EPHA5: variants seen among roughly 807,000 people sequenced by gnomAD.
EPHA5 encodes the protein EPH receptor A5, also known as ephrin type-A receptor 5.
EPHA5 carries 60 observed loss-of-function variants against 105.0 expected under a neutral mutation model. The ratio of observed to expected loss-of-function variants is 0.57; its 90% CI spans 0.46 to 0.71. The LOEUF is 0.71. Ranked by LOEUF, EPHA5 falls within the 30% of genes least tolerant of loss-of-function variation. EPHA5 has a pLI of 0.00. For synonymous variants in EPHA5, 513 were observed against 449.1 expected, an observed-to-expected ratio of 1.14 and a Z score of -1.80; for missense variants, 1,218 against 1,274.7, an observed-to-expected ratio of 0.96 and a Z score of 0.68.
At chr4:65,332,542 C>T (rs1173844400) in intron 15 of EPHA5, among the ~76,000 whole-genome samples, 1 of 139,644 alleles carries the variant, frequency 7.2e-6, no homozygotes, top group African/African-American at 2.7e-5. Flanking sequence ...AACTATGGGC[C>T]GTGGCTGATA....
intron 8 of EPHA5, among the ~76,000 whole-genome samples, chr4:65,394,613 C>A (rs1721035187): frequency 6.6e-6 from 1 of 152,042 alleles, no homozygotes; most frequent in African/African-American, 2.4e-5. Flanking sequence ...AAGAAAGAAG[C>A]TATAAGGTTC....
intron 3 of EPHA5, among the ~76,000 whole-genome samples, chr4:65,537,854 A>G (rs1736436682): frequency 6.6e-6 from 1 of 151,746 alleles, no homozygotes; most frequent in Non-Finnish European, 1.5e-5. Flanking sequence ...ATACAATAAT[A>G]CACATTTAGA....
chr4:65,351,621 T>C, intron 12 of EPHA5, 23 bp from the exon 13 acceptor site: 1 of 1,608,398 alleles, frequency 6.2e-7, no homozygotes, highest in Non-Finnish European at 8.5e-7. Flanking sequence ...TGTAGAAATA[T>C]TAGTCTAGCA....
At chr4:65,490,183 G>T (rs77288231) in intron 5 of EPHA5, among the ~76,000 whole-genome samples, 194 bp downstream of exon 5, 23,967 of 152,154 alleles carry the variant, frequency 0.16, 2,067 homozygotes, top group Middle Eastern at 0.26. Context: ...TCCTGTAAAT[G>T]GGATTGCTAA....
intron 1 of EPHA5, among the ~76,000 whole-genome samples, chr4:65,668,922 C>G (rs1223258611): frequency 6.6e-6 from 1 of 152,072 alleles, no homozygotes; most frequent in South Asian, 2.1e-4. Flanking sequence ...TGAACTCCCC[C>G]AAGAAGAAGG....
intron 3 of EPHA5, among the ~76,000 whole-genome samples, chr4:65,598,854 CAAAATTTAAG>C (rs1743431503): frequency 6.6e-6 from 1 of 151,882 alleles, no homozygotes; most frequent in Non-Finnish European, 1.5e-5. Flanking sequence ...GGGGAGAAAG[CAAAATTTAAG>C]ATGAGACATG....
At chr4:65,420,316 G>A in intron 6 of EPHA5, 125 bp downstream of exon 6, 2 of 941,092 alleles carry the variant, frequency 2.1e-6, no homozygotes, top group Non-Finnish European at 1.6e-6. Flanking sequence ...AATTATGACT[G>A]CAGAATCAAT....
chr4:65,484,196 C>T (rs553501758), intron 5 of EPHA5, among the ~76,000 whole-genome samples: 18 of 152,086 alleles, frequency 1.2e-4, no homozygotes, highest in South Asian at 8.3e-4. Flanking sequence ...AAGTATTTGC[C>T]GCTTTTTGGC....
chr4:65,345,731 T>C (rs932324356), intron 14 of EPHA5, among the ~76,000 whole-genome samples: 7 of 152,220 alleles, frequency 4.6e-5, no homozygotes, highest in African/African-American at 1.7e-4. Flanking sequence ...GGCATCAATA[T>C]CCTCACATTA....
intron 2 of EPHA5, among the ~76,000 whole-genome samples, chr4:65,636,853 T>G (rs751325343): frequency 2.6e-5 from 4 of 152,060 alleles, no homozygotes; most frequent in Non-Finnish European, 4.4e-5. Context: ...TCCCTTAAGT[T>G]CTAGGATGTG....
intron 1 of EPHA5, among the ~76,000 whole-genome samples, chr4:65,650,701 GCT>G (rs1297576581): frequency 6.6e-6 from 1 of 151,990 alleles, no homozygotes; most frequent in Non-Finnish European, 1.5e-5. Context: ...TAAATCACCT[GCT>G]CTGTTTCATT....
intron 5 of EPHA5, among the ~76,000 whole-genome samples, chr4:65,489,116 C>G (rs896351436): frequency 3.9e-5 from 6 of 151,956 alleles, no homozygotes; most frequent in African/African-American, 1.5e-4. Context: ...CCAGGATGGT[C>G]TCGATCTCCT....
At chr4:65,346,015 G>C (rs1362335200) in intron 14 of EPHA5, among the ~76,000 whole-genome samples, 1 of 151,414 alleles carries the variant, frequency 6.6e-6, no homozygotes, top group African/African-American at 2.4e-5. Flanking sequence ...CACCCGTCTC[G>C]GCCTCCCAAA....
chr4:65,437,876 T>A (rs766576304), intron 5 of EPHA5, among the ~76,000 whole-genome samples: 7 of 151,966 alleles, frequency 4.6e-5, no homozygotes, highest in African/African-American at 9.7e-5. Flanking sequence ...GTTAAAAATT[T>A]AAAAAATCAT....
chr4:65,563,456 A>T (rs1475428799), intron 3 of EPHA5, among the ~76,000 whole-genome samples: 1 of 152,114 alleles, frequency 6.6e-6, no homozygotes, highest in East Asian at 1.9e-4. Context: ...ATGGAGTAGT[A>T]TAATTATTTG....
intron 3 of EPHA5, among the ~76,000 whole-genome samples, chr4:65,512,196 G>A (rs1268114728): frequency 6.6e-6 from 1 of 152,096 alleles, no homozygotes; most frequent in African/African-American, 2.4e-5. Flanking sequence ...GTGAAGTGTG[G>A]ACAGGTTGGG....
chr4:65,658,544 T>G (rs1364672477), intron 1 of EPHA5, among the ~76,000 whole-genome samples: 4 of 152,218 alleles, frequency 2.6e-5, no homozygotes, highest in African/African-American at 7.2e-5. Flanking sequence ...CAACCCACAC[T>G]GTTTTAATAC....
rs1560782502 is a variant in EPHA5 at position 65,620,130 on chromosome 4, T to TA, written c.247-17827dup. 7.3e-4 allele frequency among the ~76,000 whole-genome samples: 76 copies of TA among 103,844 alleles called. 2 individuals carry two copies. The highest frequency in any genetic ancestry group is 3.0e-4 in the South Asian group (1 of 3,350). The allele number at this position is 103,844 out of a possible 152,430, so 68.1% of individuals were successfully genotyped here. The stretch of plus-strand genomic sequence containing the variant: ...CAGGTATATATATATATATATATAT[T>TA]AAATATATGATAGTAATAACTGTTT... On this transcript the variant is annotated intron_variant, in intron 2 of 16. Transcript: ENST00000613740.
At chr4:65,440,676 A>G (rs1180363042) in intron 5 of EPHA5, among the ~76,000 whole-genome samples, 2 of 152,020 alleles carry the variant, frequency 1.3e-5, no homozygotes, top group African/African-American at 4.8e-5. Flanking sequence ...AAGATTTATT[A>G]CTCATCCAGG....
Sources: gnomAD v4.1 joint callset for allele counts (sites outside exome capture counted in the v4.1 genomes callset) on GRCh38, gnomAD v4.1.1 for gene constraint, MANE v1.5 for transcripts, NCBI Gene and HGNC (gene_info 2026-07-23, HGNC 2026-07-21) for gene names.